The following WWP1 variants were observed in gnomAD, a reference collection of about 807,000 sequenced individuals.
The protein encoded by WWP1 is NEDD4-like E3 ubiquitin-protein ligase WWP1.
WWP1 carries 49 observed loss-of-function variants against 130.6 expected under a neutral mutation model. That is an observed-to-expected ratio of 0.38 (90% CI 0.30 to 0.48). The LOEUF is 0.48. WWP1 is among the 20% of genes least tolerant of loss of function. WWP1 has a pLI of 0.99. For missense variants in WWP1, 809 were observed against 1,100.6 expected (o/e 0.74, Z 3.75); for synonymous variants, 332 against 367.8 (o/e 0.90, Z 1.11).
intron 7 of WWP1, among the ~76,000 whole-genome samples, chr8:86,400,342 AAAAT>A (rs1442266741): frequency 2.0e-5 from 3 of 152,080 alleles, no homozygotes; most frequent in Middle Eastern, 3.2e-3. Flanking sequence ...CGGGGGGAAA[AAAAT>A]AAATAAATAA....
chr8:86,387,898 TA>T (rs1244760956), intron 5 of WWP1, among the ~76,000 whole-genome samples: 6 of 152,214 alleles, frequency 3.9e-5, no homozygotes, highest in Non-Finnish European at 8.8e-5. Context: ...CATCATTCAG[TA>T]AGGGCTGCTG....
intron 5 of WWP1, among the ~76,000 whole-genome samples, chr8:86,390,702 G>GGAGACGGGAGA (rs1458617690): frequency 2.6e-5 from 4 of 151,202 alleles, no homozygotes; most frequent in African/African-American, 9.7e-5. Context: ...GAGACGAGAG[G>GGAGACGGGAGA]GAGACGGGAG....
intron 5 of WWP1, among the ~76,000 whole-genome samples, chr8:86,384,146 C>T (rs529407732): frequency 2.1e-4 from 32 of 152,254 alleles, no homozygotes; most frequent in African/African-American, 7.2e-4. Flanking sequence ...GGATTAGGGC[C>T]TACCCCAATG....
chr8:86,426,245 G>A (rs1809621041), intron 10 of WWP1, among the ~76,000 whole-genome samples: 1 of 152,192 alleles, frequency 6.6e-6, no homozygotes, highest in South Asian at 2.1e-4. Context: ...TTCATTGAGT[G>A]CCATGACTTG....
chr8:86,416,650 CAGAG>C (rs1808905302), intron 9 of WWP1, among the ~76,000 whole-genome samples: 4 of 151,124 alleles, frequency 2.6e-5, no homozygotes, highest in Admixed American at 2.6e-4. Flanking sequence ...TTTAGTGAGA[CAGAG>C]AGACCATACC....
At chr8:86,348,855 C>T (rs1343545962) in intron 1 of WWP1, among the ~76,000 whole-genome samples, 1 of 152,106 alleles carries the variant, frequency 6.6e-6, no homozygotes, top group Non-Finnish European at 1.5e-5. Flanking sequence ...TTAAAACAAC[C>T]ATTTTCTTTG....
intron 9 of WWP1, among the ~76,000 whole-genome samples, chr8:86,422,319 G>GTATGTATGTATGTATT (rs1443562696): frequency 2.8e-4 from 42 of 148,084 alleles, no homozygotes; most frequent in African/African-American, 9.1e-4. Flanking sequence ...GTACCAGTTT[G>GTATGTATGTATGTATT]TATTTATTTA....
In WWP1 at chr8:86,389,788, C is replaced by T. The variant is rs1209554802; in HGVS notation, c.334+8159C>T. Among the ~76,000 whole-genome samples the T allele has an allele frequency of 2.7e-5, 4 of 148,088 alleles. 1 individual carries two copies. Among genetic ancestry groups the T allele is most frequent in the Admixed American group, 1.3e-4 (2 of 14,948 alleles). On this transcript the variant is annotated intron_variant, in intron 5 of 24. Transcript: ENST00000517970. ...GATGGGGCGGCTGCCCGGCGGAGGC[C>T]GCCCCCCACCTCCCTCCCAGATGGG...
At chr8:86,348,368 A>G (rs2130084065) in intron 1 of WWP1, among the ~76,000 whole-genome samples, 1 of 152,038 alleles carries the variant, frequency 6.6e-6, no homozygotes, top group East Asian at 1.9e-4. Context: ...GCAGGCATGC[A>G]CCACCACACC....
rs1563462728 is a variant in WWP1, at chr8:86,359,485, T to C, written c.-114-9454T>C. Among the ~76,000 whole-genome samples the C allele has an allele frequency of 2.0e-5, 3 of 152,296 alleles. No individual in the cohort carries two copies. The East Asian group carries it at 5.8e-4, about 29-fold the overall frequency. On this transcript the variant is annotated intron_variant, in intron 1 of 24. Transcript: ENST00000517970. ...AAACAGGGAATTTTGTCTATTCTCATTGACCATTGTATTCCCAGTGCCCCA... is the reference window on the plus strand; with the variant it reads ...AAACAGGGAATTTTGTCTATTCTCACTGACCATTGTATTCCCAGTGCCCCA...
chr8:86,411,881 T>A lies in WWP1; in HGVS notation c.1061+7T>A. On this transcript the variant is annotated splice_region_variant and intron_variant, in intron 9 of 24. Transcript: ENST00000517970. Reference sequence around the variant, plus strand: ...CAGAAACCTTGCCATCAGGGTATGTTAAGCTTTTTAATGTCTGACTTGCAT... The same window carrying A: ...CAGAAACCTTGCCATCAGGGTATGTAAAGCTTTTTAATGTCTGACTTGCAT... 3 of 1,583,482 alleles carry A rather than the reference T, an allele frequency of 1.9e-6. No individual in the cohort carries two copies. The highest frequency in any genetic ancestry group is 2.6e-6 in the Non-Finnish European group (3 of 1,163,506).
chr8:86,380,611 CCAA>C (rs1824929384), intron 3 of WWP1, 112 bp from the exon 4 acceptor site: 1 of 1,157,870 alleles, frequency 8.6e-7, no homozygotes. Flanking sequence ...CTTCATTCTG[CCAA>C]CGAGAAGAGT....
At chr8:86,344,737 A>C (rs1586218235) in intron 1 of WWP1, among the ~76,000 whole-genome samples, 1 of 151,468 alleles carries the variant, frequency 6.6e-6, no homozygotes, top group East Asian at 1.9e-4. Context: ...GATAGGCAGG[A>C]AAGGTAATCC....
chr8:86,371,139 G>T (rs1030179174), intron 2 of WWP1, among the ~76,000 whole-genome samples: 3 of 150,968 alleles, frequency 2.0e-5, no homozygotes, highest in Admixed American at 1.3e-4. Flanking sequence ...CCACCTTTGG[G>T]AGGCATCTCA....
intron 15 of WWP1, 46 bp from the exon 16 acceptor site, chr8:86,435,587 A>T: frequency 6.2e-7 from 1 of 1,611,716 alleles, no homozygotes; most frequent in Non-Finnish European, 8.5e-7. Flanking sequence ...TATACAATAC[A>T]TATACTATAA....
Position 86,347,341 on chromosome 8 carries a change from A to C in WWP1, c.-115+4411A>C, listed in dbSNP as rs185567752. On this transcript the variant is annotated intron_variant, in intron 1 of 24. Transcript: ENST00000517970. ...GCTAAAAAAAAAGTTTAAAAAGTTA[A>C]ATTTCCAAAGTATGTGGCTAGTTAG... 3.9e-3 allele frequency among the ~76,000 whole-genome samples: 592 copies of C among 152,280 alleles called. 2 individuals carry two copies. Among genetic ancestry groups the C allele is most frequent in the Non-Finnish European group, 5.8e-3 (393 of 68,020 alleles).
chr8:86,362,521 A>G (rs569564772), intron 1 of WWP1, among the ~76,000 whole-genome samples: 34 of 152,172 alleles, frequency 2.2e-4, no homozygotes, highest in African/African-American at 8.0e-4. Context: ...AATCGGTGAC[A>G]AGCTTAGACA....
At chr8:86,415,745 A>G (rs965155419) in intron 9 of WWP1, among the ~76,000 whole-genome samples, 2 of 152,224 alleles carry the variant, frequency 1.3e-5, no homozygotes, top group East Asian at 3.8e-4. Flanking sequence ...TAGATGGAGT[A>G]TGAACTCTTT....
intron 1 of WWP1, 22 bp from the exon 2 acceptor site, chr8:86,368,915 TGA>T (rs1462431930): frequency 6.6e-6 from 1 of 152,180 alleles, no homozygotes; most frequent in Non-Finnish European, 1.5e-5. Flanking sequence ...ATTATCACAC[TGA>T]AAGCTATTTA....
Sources: gnomAD v4.1 joint callset for allele counts (sites outside exome capture counted in the v4.1 genomes callset) on GRCh38, gnomAD v4.1.1 for gene constraint, MANE v1.5 for transcripts, NCBI Gene and HGNC (gene_info 2026-07-23, HGNC 2026-07-21) for gene names.